Variants in ZNF41 observed in about 807,000 individuals in gnomAD.
ZNF41 encodes zinc finger protein 41.
A neutral mutation model predicts 9.3 loss-of-function variants in ZNF41; 6 were observed. The ratio of observed to expected loss-of-function variants is 0.65; its 90% CI spans 0.35 to 1.28. The LOEUF (loss-of-function observed/expected upper bound fraction) is 1.28. Among genes scored for constraint, ZNF41 ranks in the 50% most tolerant of loss-of-function variants. The pLI is 0.03. For missense variants in ZNF41, 523 were observed against 585.8 expected (o/e 0.89, Z 1.11); for synonymous variants, 192 against 207.1 (o/e 0.93, Z 0.63).
rs559609752 is a variant in ZNF41 at position 47,467,715 on chromosome X, C to G, written c.-234G>C. ...ATGGTCATCACTCCACGTTCACTCA[C>G]AAATGTTTTCTGGTGGTGCCCAGGG... On this transcript the variant is annotated 5_prime_UTR_variant, in exon 2 of 5. Transcript: ENST00000684689. 1 of 432,052 alleles carries G rather than the reference C, an allele frequency of 2.3e-6. No individual in the cohort carries two copies. The highest frequency in any genetic ancestry group is 3.4e-5 in the South Asian group (1 of 29,069). The allele number at this position is 432,052 out of a possible 1,213,427, so 35.6% of individuals were successfully genotyped here.
At chrX:47,468,597 A>G (rs2057068134) in intron 1 of ZNF41, among the ~76,000 whole-genome samples, 2 of 111,075 alleles carry the variant, frequency 1.8e-5, no homozygotes, top group Admixed American at 1.9e-4. Context: ...CACACCATCA[A>G]TAGGATCAAT....
At chrX:47,472,956 C>T (rs1006192294) in intron 1 of ZNF41, among the ~76,000 whole-genome samples, 1 of 109,941 alleles carries the variant, frequency 9.1e-6, no homozygotes, top group African/African-American at 3.3e-5. Flanking sequence ...CTCCTGACCT[C>T]GTGATCCGTC....
chrX:47,474,162 A>G (rs1343156223), intron 1 of ZNF41, among the ~76,000 whole-genome samples: 1 of 112,376 alleles, frequency 8.9e-6, no homozygotes, highest in Non-Finnish European at 1.9e-5. Context: ...GAAAAAACCA[A>G]CCTGAAAAGA....
chrX:47,464,268 T>C (rs6608725), intron 2 of ZNF41, among the ~76,000 whole-genome samples: 28,982 of 110,274 alleles, frequency 0.26, 2,960 homozygotes, highest in South Asian at 0.41. Context: ...TCCTGTTTGC[T>C]TCATTATTCT....
In ZNF41 at chrX:47,447,385, G is replaced by A. The variant is rs1395526575; in HGVS notation, c.*45C>T. 1.2e-5 allele frequency: 15 copies of A among 1,200,524 alleles called. No homozygotes were observed. Among genetic ancestry groups the A allele is most frequent in the African/African-American group, 3.5e-5 (2 of 56,984 alleles). On this transcript the variant is annotated 3_prime_UTR_variant, in exon 5 of 5. Coordinates refer to ENST00000684689, the MANE Select transcript of ZNF41 (RefSeq NM_001324144.2). ...CAGGCCTTCCTCCTCCCTGCTATTA[G>A]ATACCTGATGCATACCCAGTTGTGA...
chrX:47,474,875 C>CT (rs2057291742), intron 1 of ZNF41, among the ~76,000 whole-genome samples: 1 of 84,322 alleles, frequency 1.2e-5, no homozygotes, highest in African/African-American at 5.6e-5. Flanking sequence ...GAGAACCTGT[C>CT]TAAAAAAAAA....
chrX:47,459,064 T>C (rs184006722), intron 2 of ZNF41, among the ~76,000 whole-genome samples: 2 of 109,960 alleles, frequency 1.8e-5, no homozygotes, highest in Admixed American at 1.9e-4. Flanking sequence ...GAATATAGAG[T>C]ACAGGCCGGG....
chrX:47,449,193 C>T lies in ZNF41; in HGVS notation c.577G>A (p.Asp193Asn). 1.7e-6 allele frequency: 2 copies of T among 1,211,175 alleles called. No individual in the cohort carries two copies. The highest frequency in any genetic ancestry group is 2.2e-6 in the Non-Finnish European group (2 of 895,223). Residue 193 changes from aspartate to asparagine, a missense_variant, in exon 5 of 5, where the codon GAC becomes AAC. By Grantham distance (23) the Asp-to-Asn change is conservative (BLOSUM62 1). Transcript: ENST00000684689. Reference sequence around the variant, plus strand: ...TTTAAAGTATGCTTCAAAATTGTGTCACAGTTATGGAGTCTTTTAATTGAA... The same window carrying T: ...TTTAAAGTATGCTTCAAAATTGTGTTACAGTTATGGAGTCTTTTAATTGAA... ...VPSIKRLHNCDTILKHTLNSH... is the reference protein window; with the variant it reads ...VPSIKRLHNCNTILKHTLNSH...
chrX:47,464,896 T>C (rs1011100362), intron 2 of ZNF41, among the ~76,000 whole-genome samples: 1 of 112,320 alleles, frequency 8.9e-6, no homozygotes, highest in African/African-American at 3.2e-5. Flanking sequence ...TTATTTACTA[T>C]TTATTTTGAG....
At position 47,456,017 on chromosome X, in the gene ZNF41, C is replaced by G; in HGVS notation, c.200-1G>C. ...GCCTCTGACTTGGGAATTTGGTACC[C>G]TGTTAACAGGACATGATACACGATT... On this transcript the variant is annotated splice_acceptor_variant, in intron 3 of 4. Transcript: ENST00000684689. LOFTEE classifies it high-confidence loss of function. 2 of 1,208,568 alleles carry G rather than the reference C, an allele frequency of 1.7e-6. No individual in the cohort carries two copies. The highest frequency in any genetic ancestry group is 2.2e-6 in the Non-Finnish European group (2 of 892,518).
chrX:47,477,179 T>C (rs1479834909), intron 1 of ZNF41: 1 of 107,776 alleles, frequency 9.3e-6, no homozygotes, highest in African/African-American at 3.4e-5. Flanking sequence ...AGTCTCGCTC[T>C]GTCACCCAGG....
chrX:47,453,806 T>C lies in ZNF41; in HGVS notation c.295+2115A>G, dbSNP rs1220345260. Among the ~76,000 whole-genome samples the C allele has an allele frequency of 2.7e-5, 3 of 111,775 alleles. No individual in the cohort carries two copies. In the East Asian group the frequency reaches 8.4e-4, roughly 31 times the overall value. On this transcript the variant is annotated intron_variant, in intron 4 of 4. Transcript: ENST00000684689. ...TATGGAGCTGGCCGGGCGCGGTGGG[T>C]CACACCTATAATCCCAGCACTTTGG...
At chrX:47,466,720 C>T (rs1413127981) in intron 2 of ZNF41, among the ~76,000 whole-genome samples, 4 of 109,984 alleles carry the variant, frequency 3.6e-5, no homozygotes, top group Admixed American at 2.0e-4. Flanking sequence ...GGGTTCGCCA[C>T]GTTGGTCAGG....
intron 4 of ZNF41, among the ~76,000 whole-genome samples, chrX:47,451,867 C>G (rs2056382539): frequency 8.9e-6 from 1 of 112,341 alleles, no homozygotes. Flanking sequence ...CAGCGAGACT[C>G]TGTCTCAAAA....
chrX:47,472,879 C>G (rs144654751), intron 1 of ZNF41, among the ~76,000 whole-genome samples: 1 of 109,428 alleles, frequency 9.1e-6, no homozygotes, highest in Non-Finnish European at 1.9e-5. Context: ...TCTGCCACCA[C>G]GCCTGGCTAA....
intron 2 of ZNF41, among the ~76,000 whole-genome samples, chrX:47,458,902 G>A (rs919541990): frequency 3.8e-4 from 42 of 109,468 alleles, no homozygotes; most frequent in Non-Finnish European, 3.8e-5. Context: ...GATTGTAGGC[G>A]TGAGCCACTG....
At chrX:47,472,912 G>A (rs761469807) in intron 1 of ZNF41, among the ~76,000 whole-genome samples, 8 of 109,189 alleles carry the variant, frequency 7.3e-5, no homozygotes, top group Non-Finnish European at 1.3e-4. Context: ...TAGTAGAGAC[G>A]GGGTTTCACC....
rs1313248566 is a variant in ZNF41, at chrX:47,448,231, A to C, written c.1539T>G (p.His513Gln). The change falls in exon 5 of 5, where the codon CAT becomes CAG. Residue 513 changes from histidine (H) to glutamine (Q), a missense_variant. By Grantham distance (24) the His-to-Gln change is conservative (BLOSUM62 0). Transcript: ENST00000684689. ...VFTHRTNLTT[H>Q]QKTHTGEKPY... ...GTTTTTCCCCAGTATGAGTTTTCTGATGTGTGGTGAGGTTTGTCCTGTGAG... is the reference window on the plus strand; with the variant it reads ...GTTTTTCCCCAGTATGAGTTTTCTGCTGTGTGGTGAGGTTTGTCCTGTGAG... The C allele has an allele frequency of 1.7e-6, 2 of 1,209,604 alleles. No homozygotes were observed. Among genetic ancestry groups the C allele is most frequent in the Non-Finnish European group, 2.2e-6 (2 of 895,217 alleles).
intron 2 of ZNF41, among the ~76,000 whole-genome samples, chrX:47,458,917 C>T (rs1234350507): frequency 9.1e-6 from 1 of 110,067 alleles, no homozygotes; most frequent in Non-Finnish European, 1.9e-5. Flanking sequence ...CCACTGTGCC[C>T]GGCCTGCCAA....
Sources: gnomAD v4.1 joint callset for allele counts (sites outside exome capture counted in the v4.1 genomes callset) on GRCh38, gnomAD v4.1.1 for gene constraint, MANE v1.5 for transcripts, NCBI Gene and HGNC (gene_info 2026-07-23, HGNC 2026-07-21) for gene names.